SIK3: variants seen among roughly 807,000 people sequenced by gnomAD.
SIK3 encodes serine/threonine-protein kinase SIK3.
A neutral mutation model predicts 144.2 loss-of-function variants in SIK3; 28 were observed. The observed-to-expected ratio is 0.19, with a 90% CI of 0.14 to 0.27. The LOEUF (loss-of-function observed/expected upper bound fraction) is 0.27. Ranked by LOEUF, SIK3 falls within the 10% of genes least tolerant of loss-of-function variation. SIK3 has a pLI of 1.00. For synonymous variants in SIK3, 686 were observed against 676.3 expected (o/e 1.01, Z -0.22); for missense variants, 1,319 against 1,776.0 (o/e 0.74, Z 4.62).
intron 1 of SIK3, chr11:117,036,144 C>T (rs905345957): frequency 4.0e-6 from 2 of 498,142 alleles, no homozygotes; most frequent in Non-Finnish European, 7.0e-6. Context: ...TGTCTTGCAA[C>T]TCCTGGCTTC....
intron 1 of SIK3, among the ~76,000 whole-genome samples, chr11:117,012,163 G>C (rs1951287755): frequency 6.6e-6 from 1 of 152,074 alleles, no homozygotes; most frequent in Non-Finnish European, 1.5e-5. Flanking sequence ...CTTTGTAGAG[G>C]CAGGGTCTCC....
chr11:117,024,667 AG>A (rs1033153712), intron 1 of SIK3, among the ~76,000 whole-genome samples: 5 of 152,180 alleles, frequency 3.3e-5, no homozygotes, highest in Admixed American at 6.5e-5. Flanking sequence ...CGGGAGGCCA[AG>A]GCAGTTTGTT....
intron 1 of SIK3, among the ~76,000 whole-genome samples, chr11:117,021,928 CA>C (rs71037444): frequency 8.4e-3 from 495 of 58,616 alleles, no homozygotes; most frequent in Non-Finnish European, 0.014. Flanking sequence ...TCTGTCTCTA[CA>C]AAAAAAAAAA....
chr11:117,022,570 G>A (rs924061505), intron 1 of SIK3, among the ~76,000 whole-genome samples: 2 of 152,136 alleles, frequency 1.3e-5, no homozygotes, highest in Non-Finnish European at 2.9e-5. Flanking sequence ...AGGGCAGAGT[G>A]GACACTTTCA....
chr11:116,871,717 T>C (rs1368235156), intron 13 of SIK3, among the ~76,000 whole-genome samples: 3 of 152,184 alleles, frequency 2.0e-5, no homozygotes, highest in Non-Finnish European at 2.9e-5. Flanking sequence ...TCACAGGCAC[T>C]GGACAACTGA....
At chr11:116,957,973 A>G (rs1335974075) in intron 1 of SIK3, among the ~76,000 whole-genome samples, 4 of 152,208 alleles carry the variant, frequency 2.6e-5, no homozygotes, top group Non-Finnish European at 5.9e-5. Context: ...ACGATGAAGG[A>G]CTTTTAAAAA....
Position 117,014,606 on chromosome 11 carries a change from T to C in SIK3, c.274-57542A>G, listed in dbSNP as rs566703312. ...AAAAGGGGGGCTCATCTCCAAAATA[T>C]AGAGGGAACTACCGGCCAGGTATTT... is the stretch of plus-strand genomic sequence containing the variant. On this transcript the variant is annotated intron_variant, in intron 1 of 24. Coordinates refer to ENST00000445177, the MANE Select transcript of SIK3 (RefSeq NM_001366686.3). Among the ~76,000 whole-genome samples the C allele has an allele frequency of 3.9e-5, 6 of 152,198 alleles. No individual in the cohort carries two copies. In the East Asian group the frequency reaches 1.2e-3, roughly 29 times the overall value.
intron 1 of SIK3, among the ~76,000 whole-genome samples, chr11:116,981,045 T>G (rs1029233661): frequency 6.6e-6 from 1 of 152,200 alleles, no homozygotes; most frequent in African/African-American, 2.4e-5. Context: ...TCTGTAGGCT[T>G]TATAAGACTG....
At chr11:116,977,193 A>G (rs1185333115) in intron 1 of SIK3, among the ~76,000 whole-genome samples, 1 of 151,876 alleles carries the variant, frequency 6.6e-6, no homozygotes, top group Non-Finnish European at 1.5e-5. Flanking sequence ...CAGCACACAC[A>G]AGGGAAAACT....
chr11:117,016,427 G>GGAAGGAAGGAAA (rs1951542991), intron 1 of SIK3, among the ~76,000 whole-genome samples: 1 of 150,044 alleles, frequency 6.7e-6, no homozygotes, highest in East Asian at 2.0e-4. Flanking sequence ...AAGGAAGGAA[G>GGAAGGAAGGAAA]GAAGGAAGGA....
chr11:117,051,100 T>C (rs986952312), intron 1 of SIK3, among the ~76,000 whole-genome samples: 18 of 152,334 alleles, frequency 1.2e-4, no homozygotes, highest in Admixed American at 6.5e-4. Context: ...ATAATCTGTT[T>C]ACCCTTTTCC....
chr11:117,041,587 T>C (rs1952744153), intron 1 of SIK3, among the ~76,000 whole-genome samples: 1 of 152,348 alleles, frequency 6.6e-6, no homozygotes, highest in South Asian at 2.1e-4. Flanking sequence ...GGGAAAAGTA[T>C]GATGCCATAT....
intron 1 of SIK3, among the ~76,000 whole-genome samples, chr11:117,089,441 C>T (rs181101793): frequency 1.2e-4 from 18 of 151,482 alleles, no homozygotes; most frequent in African/African-American, 3.9e-4. Flanking sequence ...AACTGTGTGA[C>T]TCAGGTATTG....
At chr11:116,939,282 G>A (rs1033247405) in intron 3 of SIK3, among the ~76,000 whole-genome samples, 3 of 152,138 alleles carry the variant, frequency 2.0e-5, no homozygotes, top group African/African-American at 7.2e-5. Context: ...CAAGTAGCTG[G>A]GACTACAGGT....
At chr11:116,889,693 C>T (rs1945002133) in intron 6 of SIK3, among the ~76,000 whole-genome samples, 1 of 152,172 alleles carries the variant, frequency 6.6e-6, no homozygotes, top group Non-Finnish European at 1.5e-5. Context: ...TCCAGGAGTT[C>T]AAGACCAGCC....
intron 1 of SIK3, among the ~76,000 whole-genome samples, chr11:116,969,246 C>T (rs1001950151): frequency 7.3e-6 from 1 of 137,236 alleles, no homozygotes; most frequent in Non-Finnish European, 1.5e-5. Context: ...GCCGAGATGG[C>T]ACCACCGCAC....
At chr11:116,927,162 A>C in intron 4 of SIK3, 57 bp downstream of exon 4, 1 of 1,313,376 alleles carries the variant, frequency 7.6e-7, no homozygotes, top group Non-Finnish European at 1.1e-6. Flanking sequence ...CCTTGCTTAT[A>C]GAACCCCAAG....
intron 3 of SIK3, among the ~76,000 whole-genome samples, chr11:116,934,723 C>T (rs1164693441): frequency 6.6e-6 from 1 of 150,714 alleles, no homozygotes; most frequent in Non-Finnish European, 1.5e-5. Flanking sequence ...CCTATAATCC[C>T]CGCACTTAAA....
intron 4 of SIK3, among the ~76,000 whole-genome samples, chr11:116,907,988 A>T (rs1425910953): frequency 5.1e-4 from 18 of 35,090 alleles, no homozygotes; most frequent in Middle Eastern, 0.02. Flanking sequence ...GTTTTTATTT[A>T]AAAAAAAAAA....
Sources: allele counts gnomAD v4.1 joint callset (sites outside exome capture counted in the v4.1 genomes callset), GRCh38; gene constraint gnomAD v4.1.1; transcripts MANE v1.5; gene names NCBI Gene and HGNC (gene_info 2026-07-23, HGNC 2026-07-21).